The following DNAJC19 variants were observed in gnomAD, a reference collection of about 807,000 sequenced individuals.
The protein encoded by DNAJC19 is mitochondrial import inner membrane translocase subunit TIM14.
Under a neutral mutation model 19.8 loss-of-function variants are expected in DNAJC19, and 15 were observed. The observed-to-expected ratio is 0.76, with a 90% CI of 0.51 to 1.17. The LOEUF (loss-of-function observed/expected upper bound fraction) is 1.17. Ranked by LOEUF, DNAJC19 falls within the 50% of genes most tolerant of loss-of-function variation. The pLI is 0.00. For missense variants in DNAJC19, 105 were observed against 140.9 expected (o/e 0.75, Z 1.29); for synonymous variants, 38 against 42.1 (o/e 0.90, Z 0.38).
rs1229962496 is a variant in DNAJC19 at position 180,983,837 on chromosome 3, G to A, written c.*803C>T. The A allele has an allele frequency of 6.6e-6, 3 of 453,834 alleles. No homozygotes were observed. The highest frequency in any genetic ancestry group is 2.0e-5 in the African/African-American group (1 of 49,952). The allele number at this position is 453,834 out of a possible 1,614,324, so 28.1% of individuals were successfully genotyped here. A position where few individuals can be genotyped will look rare whatever the true frequency, so the allele number is the denominator to read the frequency against. On this transcript the variant is annotated 3_prime_UTR_variant, in exon 6 of 6. Coordinates refer to ENST00000382564, the MANE Select transcript of DNAJC19 (RefSeq NM_145261.4). ...GGGTTTAAGCTTAATCATAACAATT[G>A]CAGAAGTTTGATTATGTCAAGAAAT... is the stretch of plus-strand genomic sequence containing the variant.
At position 180,984,705 on chromosome 3, in the gene DNAJC19, A is replaced by G. The variant is rs766074857; in HGVS notation, c.286T>C (p.Ser96Pro). The G allele has an allele frequency of 2.5e-6, 4 of 1,604,738 alleles. No homozygotes were observed. The South Asian group carries it at 3.3e-5, about 13-fold the overall frequency. Residue 96 changes from serine (S) to proline (P), a missense_variant, in exon 6 of 6, where the codon TCT becomes CCT. Ser to Pro is a moderately conservative substitution (Grantham distance 74, BLOSUM62 -1). Transcript: ENST00000382564. ...TTGATTTTGGCTGCTATATAAGGAG[A>G]TCCTCCTATAGGAAGAAAGAAAAAA... Reference protein sequence around the residue: ...MLLNHPDKGGSPYIAAKINEA... With the variant: ...MLLNHPDKGGPPYIAAKINEA...
intron 1 of DNAJC19, 71 bp downstream of exon 1, chr3:180,989,529 C>A: frequency 1.9e-6 from 3 of 1,554,718 alleles, no homozygotes; most frequent in Non-Finnish European, 2.6e-6. Flanking sequence ...CAACTCCACA[C>A]CTCCGAGGCG....
In DNAJC19 at chr3:180,986,883, A is replaced by T. The variant is rs373084895; in HGVS notation, c.209+60T>A. 3.0e-4 allele frequency: 430 copies of T among 1,422,506 alleles called. 1 individual carries two copies. The highest frequency in any genetic ancestry group is 4.1e-4 in the Non-Finnish European group (408 of 1,007,322). 88.1% of individuals were successfully genotyped at this position (1,422,506 alleles called of 1,614,324 possible). ...TATTAAAGGAGAGAAGGTCTTTCTT[A>T]TATTTCCTCATGGCTCTACAGTGGT... is the stretch of plus-strand genomic sequence containing the variant. On this transcript the variant is annotated intron_variant, in intron 4 of 5. Transcript: ENST00000382564.
intron 1 of DNAJC19, 150 bp downstream of exon 1, chr3:180,989,450 T>C (rs1715102456): frequency 2.7e-6 from 4 of 1,504,220 alleles, no homozygotes; most frequent in Non-Finnish European, 3.6e-6. Context: ...AACAGGGTTG[T>C]GTCCTGGTGA....
At position 180,983,957 on chromosome 3, in the gene DNAJC19, GGA is replaced by G; in HGVS notation, c.*681_*682del. ...TCATGCCTGTAATCCCAGTACTTTG[GGA>G]GGCTGAGGCGGGAGGACTGCTTAAA... On this transcript the variant is annotated 3_prime_UTR_variant, in exon 6 of 6. Transcript: ENST00000382564. 1 of 454,000 alleles carries G rather than the reference GGA, an allele frequency of 2.2e-6. No homozygotes were observed. The highest frequency in any genetic ancestry group is 2.0e-5 in the African/African-American group (1 of 50,114). 28.1% of individuals were successfully genotyped at this position (454,000 alleles called of 1,614,324 possible). A position where few individuals can be genotyped will look rare whatever the true frequency, so the allele number is the denominator to read the frequency against.
chr3:180,985,459 G>A (rs1405891598), intron 5 of DNAJC19: 1 of 169,794 alleles, frequency 5.9e-6, no homozygotes, highest in African/African-American at 2.4e-5. Context: ...TCCTGTATAA[G>A]TAAAAGGATA....
chr3:180,984,647 T>C lies in DNAJC19; in HGVS notation c.344A>G (p.Lys115Arg), dbSNP rs1253268997. ...EAKDLLEGQAKK is the reference protein window; with the variant it reads ...EAKDLLEGQARK ...ATTCATCATACATTTACTTCATTTTTTAGCTTGACCTTCTAGTAAATCTTT... is the reference window on the plus strand; with the variant it reads ...ATTCATCATACATTTACTTCATTTTCTAGCTTGACCTTCTAGTAAATCTTT... Residue 115 changes from lysine to arginine, a missense_variant, in exon 6 of 6, where the codon AAA becomes AGA. By Grantham distance (26) the Lys-to-Arg change is conservative (BLOSUM62 2). Transcript: ENST00000382564. 1.2e-6 allele frequency: 2 copies of C among 1,603,580 alleles called. No homozygotes were observed. Among genetic ancestry groups the C allele is most frequent in the Admixed American group, 3.4e-5 (2 of 59,602 alleles).
chr3:180,986,032 A>G lies in DNAJC19; in HGVS notation c.210-36T>C, dbSNP rs1427425172. On this transcript the variant is annotated intron_variant, in intron 4 of 5. Transcript: ENST00000382564. ...AAAGAAATGGTATTTACTTCATCCT[A>G]CTTCTGCATCACATCAAAAAACTGT... 1.9e-6 allele frequency: 3 copies of G among 1,545,074 alleles called. No individual in the cohort carries two copies. In the Admixed American group the frequency reaches 5.0e-5, roughly 26 times the overall value.
intron 1 of DNAJC19, 124 bp from the exon 2 acceptor site, chr3:180,988,353 CTTTTTTT>C (rs369840102): frequency 2.3e-5 from 15 of 650,238 alleles, no homozygotes; most frequent in Admixed American, 1.3e-4. Flanking sequence ...TTTTTTTTTT[CTTTTTTT>C]TTTTTTTTTT....
chr3:180,986,620 G>T, intron 4 of DNAJC19: 1 of 251,064 alleles, frequency 4.0e-6, no homozygotes, highest in South Asian at 6.8e-5. Flanking sequence ...GTCAGTTACA[G>T]AGAACAACAC....
chr3:180,989,580 G>A lies in DNAJC19; in HGVS notation c.3+20C>T, dbSNP rs1457782584. The A allele has an allele frequency of 6.3e-7, 1 of 1,577,948 alleles. No homozygotes were observed. Among genetic ancestry groups the A allele is most frequent in the East Asian group, 2.3e-5 (1 of 43,268 alleles). ...GGCCTGGGCCGGAGGTCGCCAAGAAGACCGGAAGGCCGCACTCACCATGGC... is the reference window on the plus strand; with the variant it reads ...GGCCTGGGCCGGAGGTCGCCAAGAAAACCGGAAGGCCGCACTCACCATGGC... On this transcript the variant is annotated intron_variant, in intron 1 of 5. Coordinates refer to ENST00000382564, the MANE Select transcript of DNAJC19 (RefSeq NM_145261.4).
intron 1 of DNAJC19, among the ~76,000 whole-genome samples, chr3:180,988,939 C>CG (rs1357885790): frequency 4.0e-4 from 59 of 149,316 alleles, no homozygotes; most frequent in African/African-American, 1.4e-3. Context: ...ACCCGGGAGG[C>CG]GGAGCTTGTA....
intron 1 of DNAJC19, among the ~76,000 whole-genome samples, chr3:180,989,113 T>C (rs1406887587): frequency 2.0e-5 from 3 of 151,974 alleles, no homozygotes; most frequent in Non-Finnish European, 4.4e-5. Context: ...AGGCTAAACG[T>C]GGGCTAAACT....
At chr3:180,987,772 GAA>G (rs1333638826) in intron 3 of DNAJC19, 1 of 525,974 alleles carries the variant, frequency 1.9e-6, no homozygotes, top group Non-Finnish European at 3.4e-6. Context: ...GATGGTATGT[GAA>G]AAAGTGAAAC....
At position 180,984,379 on chromosome 3, in the gene DNAJC19, TCCCAAATTA is replaced by T. The variant is rs1298069026; in HGVS notation, c.*252_*260del. 4 of 500,766 alleles carry T rather than the reference TCCCAAATTA, an allele frequency of 8.0e-6. No individual in the cohort carries two copies. Among genetic ancestry groups the T allele is most frequent in the Non-Finnish European group, 1.6e-5 (4 of 256,496 alleles). The allele number at this position is 500,766 out of a possible 1,614,324, so 31.0% of individuals were successfully genotyped here. On this transcript the variant is annotated 3_prime_UTR_variant, in exon 6 of 6. Transcript: ENST00000382564. ...CTTTGCCTTGAAAAGTAGACATAGG[TCCCAAATTA>T]TCTGCTAAATGAGTAATGAACAATA...
intron 4 of DNAJC19, chr3:180,986,472 G>A (rs1714917680): frequency 5.2e-6 from 1 of 193,018 alleles, no homozygotes; most frequent in Non-Finnish European, 1.1e-5. Context: ...AGTAGAGACG[G>A]GGTTTCACCA....
At chr3:180,989,045 T>C (rs1315085102) in intron 1 of DNAJC19, among the ~76,000 whole-genome samples, 1 of 151,526 alleles carries the variant, frequency 6.6e-6, no homozygotes, top group Non-Finnish European at 1.5e-5. Context: ...AGGTTTCTGC[T>C]ACAGAAGGAA....
chr3:180,987,838 A>G, intron 3 of DNAJC19, 185 bp downstream of exon 3: 1 of 702,624 alleles, frequency 1.4e-6, no homozygotes. Context: ...TCTGTCACAT[A>G]TAACATCTGA....
intron 3 of DNAJC19, chr3:180,987,744 A>G: frequency 2.1e-6 from 1 of 469,274 alleles, no homozygotes; most frequent in Admixed American, 3.3e-5. Flanking sequence ...AAGAATATGT[A>G]CAGATGATGC....
Sources: gnomAD v4.1 joint callset for allele counts (sites outside exome capture counted in the v4.1 genomes callset) on GRCh38, gnomAD v4.1.1 for gene constraint, MANE v1.5 for transcripts, NCBI Gene and HGNC (gene_info 2026-07-23, HGNC 2026-07-21) for gene names.